RHBDL3: variants seen among roughly 807,000 people sequenced by gnomAD.
RHBDL3 encodes the protein rhomboid like 3.
A neutral mutation model predicts 48.2 loss-of-function variants in RHBDL3; 28 were observed. The observed-to-expected ratio is 0.58, with a 90% CI of 0.43 to 0.80. The LOEUF (loss-of-function observed/expected upper bound fraction) is 0.80. RHBDL3 is among the 30% of genes least tolerant of loss of function. The pLI is 0.00. For missense variants in RHBDL3, 464 were observed against 542.7 expected, an observed-to-expected ratio of 0.85 and a Z score of 1.44; for synonymous variants, 208 against 232.3, an observed-to-expected ratio of 0.90 and a Z score of 0.95.
In RHBDL3 at chr17:32,323,243, G is replaced by A. The variant is rs1057034028; in HGVS notation, c.*2014G>A. On this transcript the variant is annotated 3_prime_UTR_variant, in exon 9 of 9. Coordinates refer to ENST00000269051, the MANE Select transcript of RHBDL3 (RefSeq NM_138328.3). ...ACTGTGGGCCCACGCCTTTGGCGGTGTTGCGTCAGCCTGGGGCGTCTTGTG... is the reference window on the plus strand; with the variant it reads ...ACTGTGGGCCCACGCCTTTGGCGGTATTGCGTCAGCCTGGGGCGTCTTGTG... The A allele has an allele frequency of 6.6e-6, 1 of 152,422 alleles. No individual in the cohort carries two copies. Among genetic ancestry groups the A allele is most frequent in the Admixed American group, 6.5e-5 (1 of 15,290 alleles). The allele number at this position is 152,422 out of a possible 1,614,324, so 9.4% of individuals were successfully genotyped here.
chr17:32,301,904 A>G (rs2040592545), intron 6 of RHBDL3, among the ~76,000 whole-genome samples: 1 of 152,074 alleles, frequency 6.6e-6, no homozygotes, highest in Admixed American at 6.6e-5. Flanking sequence ...GATTTTTTTT[A>G]AGGCCAAAGA....
chr17:32,272,323 G>A (rs1229266820), intron 2 of RHBDL3, among the ~76,000 whole-genome samples: 1 of 152,190 alleles, frequency 6.6e-6, no homozygotes, highest in African/African-American at 2.4e-5. Context: ...CCAGCCTGGG[G>A]CTCTTCCCTT....
intron 2 of RHBDL3, among the ~76,000 whole-genome samples, chr17:32,276,919 GCCCTAGCACCT>G (rs1213505380): frequency 6.3e-4 from 82 of 130,094 alleles, no homozygotes; most frequent in African/African-American, 2.0e-3. Context: ...CCTTACTCCA[GCCCTAGCACCT>G]TACTCCGGCC....
At chr17:32,303,155 A>C (rs2040625676) in intron 6 of RHBDL3, among the ~76,000 whole-genome samples, 1 of 152,176 alleles carries the variant, frequency 6.6e-6, no homozygotes, top group Non-Finnish European at 1.5e-5. Flanking sequence ...AGTGTGTGCC[A>C]GCTTGACCCT....
chr17:32,315,989 CTCCTCTTCCTAGATCTGGAGTCCCT>C (rs1272245656), intron 7 of RHBDL3, among the ~76,000 whole-genome samples: 20 of 152,010 alleles, frequency 1.3e-4, no homozygotes, highest in Admixed American at 1.3e-3. Context: ...GACAGGGCCT[CTCCTCTTCCTAGATCTGGAGTCCCT>C]TCCTCTTGTT....
intron 2 of RHBDL3, among the ~76,000 whole-genome samples, chr17:32,282,635 T>C (rs12946219): frequency 1.3e-5 from 2 of 152,148 alleles, no homozygotes; most frequent in Admixed American, 6.5e-5. Context: ...TTTTTTTTTC[T>C]TTTTTGAGAC....
rs116580172 is a variant in RHBDL3, at chr17:32,314,668, C to G, written c.883-1564C>G. 3.4e-3 allele frequency among the ~76,000 whole-genome samples: 514 copies of G among 152,236 alleles called. 12 individuals are homozygous for G. Among genetic ancestry groups the G allele is most frequent in the Admixed American group, 0.031 (480 of 15,294 alleles). On this transcript the variant is annotated intron_variant, in intron 7 of 8. Coordinates refer to ENST00000269051, the MANE Select transcript of RHBDL3 (RefSeq NM_138328.3). ...TGTTGGCTACTTGGCAGTGGGTGTCCGCCTTTGGGAAGAGATGTCCCATTA... is the reference window on the plus strand; with the variant it reads ...TGTTGGCTACTTGGCAGTGGGTGTCGGCCTTTGGGAAGAGATGTCCCATTA...
chr17:32,292,178 C>T (rs1476873955), intron 4 of RHBDL3, among the ~76,000 whole-genome samples: 1 of 152,050 alleles, frequency 6.6e-6, no homozygotes, highest in African/African-American at 2.4e-5. Flanking sequence ...AGTTAAATAC[C>T]CTTTTAGAGA....
chr17:32,269,985 A>C (rs2039732430), intron 2 of RHBDL3, among the ~76,000 whole-genome samples: 1 of 152,014 alleles, frequency 6.6e-6, no homozygotes, highest in African/African-American at 2.4e-5. Flanking sequence ...TGGGTGTCAC[A>C]AAGAGCATAC....
intron 4 of RHBDL3, among the ~76,000 whole-genome samples, chr17:32,293,917 C>T (rs1178914268): frequency 6.6e-6 from 1 of 152,046 alleles, no homozygotes; most frequent in Non-Finnish European, 1.5e-5. Context: ...CACCTGAGGT[C>T]AGGAGTTCAA....
At position 32,312,056 on chromosome 17, in the gene RHBDL3, AG is replaced by A. The variant is rs529060944; in HGVS notation, c.883-4174del. Among the ~76,000 whole-genome samples, 308 of 152,364 alleles carry A rather than the reference AG, an allele frequency of 2.0e-3. 3 individuals carry two copies. The highest frequency in any genetic ancestry group is 4.0e-4 in the Non-Finnish European group (27 of 68,036). On this transcript the variant is annotated intron_variant, in intron 7 of 8. Transcript: ENST00000269051. The stretch of plus-strand genomic sequence containing the variant: ...CATGGAGGCTGGAGACCTCAGATAA[AG>A]GAGAGAGCTGTCCATACATTCTAAC...
intron 4 of RHBDL3, among the ~76,000 whole-genome samples, chr17:32,294,042 C>T (rs2040393450): frequency 6.6e-6 from 1 of 151,514 alleles, no homozygotes; most frequent in Admixed American, 6.6e-5. Context: ...GCAGGAGAAT[C>T]GCTTGAACCC....
intron 7 of RHBDL3, among the ~76,000 whole-genome samples, chr17:32,312,562 G>A (rs1375997993): frequency 6.6e-6 from 1 of 152,142 alleles, no homozygotes; most frequent in African/African-American, 2.4e-5. Flanking sequence ...CCTTTGCCCA[G>A]GCTGGAGTAC....
intron 2 of RHBDL3, among the ~76,000 whole-genome samples, chr17:32,273,597 C>A (rs141734444): frequency 1.1e-4 from 17 of 152,216 alleles, no homozygotes. Context: ...TACCTTCCCC[C>A]CTACGTTGTT....
chr17:32,293,838 C>G (rs2040389172), intron 4 of RHBDL3, among the ~76,000 whole-genome samples: 1 of 151,996 alleles, frequency 6.6e-6, no homozygotes, highest in Admixed American at 6.6e-5. Context: ...TGGTTAAAAG[C>G]TCAGCTGAGA....
chr17:32,321,394 C>G lies in RHBDL3; in HGVS notation c.*165C>G. 9 of 1,529,666 alleles carry G rather than the reference C, an allele frequency of 5.9e-6. No homozygotes were observed. The highest frequency in any genetic ancestry group is 7.9e-6 in the Non-Finnish European group (9 of 1,142,116). The allele number at this position is 1,529,666 out of a possible 1,614,324, so 94.8% of individuals were successfully genotyped here. A position where few individuals can be genotyped will look rare whatever the true frequency, so the allele number is the denominator to read the frequency against. Reference sequence around the variant, plus strand: ...TAGATTTGGACACACAGTGGAGACCCTTTTCTGAAAGGCATCTGGCGGAGG... The same window carrying G: ...TAGATTTGGACACACAGTGGAGACCGTTTTCTGAAAGGCATCTGGCGGAGG... On this transcript the variant is annotated 3_prime_UTR_variant, in exon 9 of 9. Coordinates refer to ENST00000269051, the MANE Select transcript of RHBDL3 (RefSeq NM_138328.3).
intron 7 of RHBDL3, among the ~76,000 whole-genome samples, chr17:32,313,782 A>G (rs1597690042): frequency 9.2e-6 from 1 of 108,766 alleles, no homozygotes; most frequent in Non-Finnish European, 1.7e-5. Flanking sequence ...TTTTGAGACG[A>G]GTCTCACTCT....
chr17:32,270,132 CAAAAAA>C (rs66986205), intron 2 of RHBDL3, among the ~76,000 whole-genome samples: 2 of 68,120 alleles, frequency 2.9e-5, no homozygotes, highest in Non-Finnish European at 5.6e-5. Context: ...GACCCTTTCT[CAAAAAA>C]AAAAAAAAAA....
Position 32,266,114 on chromosome 17 carries a change from C to G in RHBDL3, c.-76C>G, listed in dbSNP as rs1262028043. On this transcript the variant is annotated 5_prime_UTR_variant, in exon 1 of 9. Transcript: ENST00000269051. ...CACTGAGCCCCTGGAGCGGCGCGGC[C>G]GCCGCGGCGCAAAGTTAGCCCGGCG... 1 of 407,220 alleles carries G rather than the reference C, an allele frequency of 2.5e-6. No individual in the cohort carries two copies. Among genetic ancestry groups the G allele is most frequent in the East Asian group, 1.4e-4 (1 of 7,384 alleles). 25.2% of individuals were successfully genotyped at this position (407,220 alleles called of 1,614,324 possible).
Sources: allele counts gnomAD v4.1 joint callset (sites outside exome capture counted in the v4.1 genomes callset), GRCh38; gene constraint gnomAD v4.1.1; transcripts MANE v1.5; gene names NCBI Gene and HGNC (gene_info 2026-07-23, HGNC 2026-07-21).